Variants in SPIDR observed in about 807,000 individuals in gnomAD.
SPIDR encodes scaffold protein involved in DNA repair.
Under a neutral mutation model 104.6 loss-of-function variants are expected in SPIDR, and 93 were observed. The observed-to-expected ratio is 0.89, with a 90% CI of 0.75 to 1.06. The LOEUF (loss-of-function observed/expected upper bound fraction) is 1.06, where lower values mean the gene tolerates loss of function less well. Among genes scored for constraint, SPIDR ranks in the 50% least tolerant of loss-of-function variants. SPIDR has a pLI of 0.00. For missense variants in SPIDR, 1,154 were observed against 1,111.2 expected (o/e 1.04, Z -0.55); for synonymous variants, 431 against 416.9 (o/e 1.03, Z -0.41).
chr8:47,712,840 G>T lies in SPIDR; in HGVS notation c.2156G>T (p.Ser719Ile), dbSNP rs1436393403. ...GCACTCGCTGGGGCTGCCCCTCACAGCCTCTTCTTCAAGGACGCTCTCCGT... is the reference window on the plus strand; with the variant it reads ...GCACTCGCTGGGGCTGCCCCTCACATCCTCTTCTTCAAGGACGCTCTCCGT... ...LEALAGAAPH[S>I]LFFKDALRDQ... is the part of the protein sequence containing the mutation. Residue 719 changes from serine to isoleucine, a missense_variant, in exon 15 of 20, where the codon AGC becomes ATC. By Grantham distance (142) the Ser-to-Ile change is moderately radical. Coordinates refer to ENST00000297423, the MANE Select transcript of SPIDR (RefSeq NM_001080394.4). The T allele has an allele frequency of 2.5e-6, 4 of 1,613,940 alleles. No homozygotes were observed. Among genetic ancestry groups the T allele is most frequent in the Non-Finnish European group, 3.4e-6 (4 of 1,180,028 alleles).
At chr8:47,666,365 C>G (rs1273182144) in intron 10 of SPIDR, among the ~76,000 whole-genome samples, 1 of 152,102 alleles carries the variant, frequency 6.6e-6, no homozygotes, top group African/African-American at 2.4e-5. Flanking sequence ...TGATCTATTC[C>G]TTATTGCTGA....
At chr8:47,517,087 C>T (rs1391297219) in intron 8 of SPIDR, among the ~76,000 whole-genome samples, 2 of 152,032 alleles carry the variant, frequency 1.3e-5, no homozygotes, top group African/African-American at 4.8e-5. Context: ...CAGGTTCAAG[C>T]AATTCTCCTG....
In SPIDR at chr8:47,311,643, C is replaced by G. The variant is rs146178137; in HGVS notation, c.525+17613C>G. Among the ~76,000 whole-genome samples the G allele has an allele frequency of 4.7e-3, 718 of 151,722 alleles. 5 individuals are homozygous for G. The highest frequency in any genetic ancestry group is 0.016 in the African/African-American group (682 of 41,376). ...GACCAGCCTGGGAAACGAAGTGAGA[C>G]TTCATCTCTACAAAAAGAAAAAAAT... is the stretch of plus-strand genomic sequence containing the variant. On this transcript the variant is annotated intron_variant, in intron 5 of 19. Coordinates refer to ENST00000297423, the MANE Select transcript of SPIDR (RefSeq NM_001080394.4).
intron 8 of SPIDR, among the ~76,000 whole-genome samples, chr8:47,475,086 A>G (rs1554723001): frequency 6.6e-6 from 1 of 152,254 alleles, no homozygotes; most frequent in Non-Finnish European, 1.5e-5. Flanking sequence ...AACTACTAAC[A>G]TGACAGTGGA....
intron 8 of SPIDR, among the ~76,000 whole-genome samples, chr8:47,587,209 A>G (rs2060342504): frequency 6.6e-6 from 1 of 152,156 alleles, no homozygotes. Context: ...TTCATCATCA[A>G]TTTTGAGTTA....
rs62539085 is a variant in SPIDR at position 47,373,473 on chromosome 8, T to G, written c.526-22903T>G. On this transcript the variant is annotated intron_variant, in intron 5 of 19. Transcript: ENST00000297423. ...TTCAAGGTTTAAAATGTGGCAGTAG[T>G]TTAGGTGGGATTTTTTTTCTTTTTT... is the stretch of plus-strand genomic sequence containing the variant. Among the ~76,000 whole-genome samples, 577 of 152,188 alleles carry G rather than the reference T, an allele frequency of 3.8e-3. 2 individuals are homozygous for G. The highest frequency in any genetic ancestry group is 5.9e-3 in the Non-Finnish European group (404 of 67,996).
At chr8:47,653,739 G>T (rs2072128463) in intron 10 of SPIDR, among the ~76,000 whole-genome samples, 1 of 152,040 alleles carries the variant, frequency 6.6e-6, no homozygotes, top group Non-Finnish European at 1.5e-5. Flanking sequence ...TGAGCTAAGG[G>T]CTCTGACATG....
chr8:47,576,838 A>C (rs1239357673), intron 8 of SPIDR, among the ~76,000 whole-genome samples: 2 of 152,252 alleles, frequency 1.3e-5, no homozygotes, highest in Non-Finnish European at 2.9e-5. Context: ...TATACAAGAT[A>C]AAATGGATTC....
intron 8 of SPIDR, among the ~76,000 whole-genome samples, chr8:47,495,281 G>A (rs532816659): frequency 6.6e-6 from 1 of 151,948 alleles, no homozygotes; most frequent in Non-Finnish European, 1.5e-5. Flanking sequence ...TGGGCACATT[G>A]GGAATTTCAC....
intron 8 of SPIDR, among the ~76,000 whole-genome samples, chr8:47,516,586 G>T (rs138930338): frequency 6.6e-6 from 1 of 152,126 alleles, no homozygotes; most frequent in African/African-American, 2.4e-5. Flanking sequence ...GTTCATCCAC[G>T]TTATGTGTCA....
intron 1 of SPIDR, among the ~76,000 whole-genome samples, chr8:47,279,061 GTT>G (rs1187275785): frequency 7.4e-6 from 1 of 134,686 alleles, no homozygotes; most frequent in Non-Finnish European, 1.6e-5. Flanking sequence ...TCACTAAAAA[GTT>G]TTTTTTTTTT....
At chr8:47,476,146 G>C (rs183302577) in intron 8 of SPIDR, among the ~76,000 whole-genome samples, 1 of 152,112 alleles carries the variant, frequency 6.6e-6, no homozygotes, top group African/African-American at 2.4e-5. Flanking sequence ...TTACAGTGTC[G>C]AAGTGTGACA....
intron 1 of SPIDR, among the ~76,000 whole-genome samples, chr8:47,261,727 A>G (rs773885794): frequency 2.6e-5 from 4 of 152,296 alleles, no homozygotes; most frequent in Non-Finnish European, 4.4e-5. Flanking sequence ...AATAGACCAC[A>G]TATACTGGTT....
intron 8 of SPIDR, among the ~76,000 whole-genome samples, chr8:47,486,960 A>C (rs1302791203): frequency 6.6e-6 from 1 of 152,232 alleles, no homozygotes; most frequent in African/African-American, 2.4e-5. Flanking sequence ...CAAAATAACC[A>C]GCTAACATCA....
intron 10 of SPIDR, among the ~76,000 whole-genome samples, chr8:47,671,627 TA>T (rs1020302321): frequency 2.0e-4 from 22 of 107,328 alleles, no homozygotes; most frequent in African/African-American, 3.9e-4. Flanking sequence ...TAAATACAAA[TA>T]AAAAAATTAA....
chr8:47,460,750 G>T (rs2073805116), intron 8 of SPIDR, among the ~76,000 whole-genome samples: 1 of 152,006 alleles, frequency 6.6e-6, no homozygotes, highest in African/African-American at 2.4e-5. Context: ...TGTTTTATAG[G>T]TCCTGTGAGA....
At chr8:47,298,752 T>A (rs1232766845) in intron 5 of SPIDR, among the ~76,000 whole-genome samples, 1 of 152,222 alleles carries the variant, frequency 6.6e-6, no homozygotes, top group Non-Finnish European at 1.5e-5. Flanking sequence ...TTGTCAAAGA[T>A]CAGATAGTTG....
intron 5 of SPIDR, among the ~76,000 whole-genome samples, chr8:47,395,333 A>G (rs1433520053): frequency 6.6e-6 from 1 of 152,226 alleles, no homozygotes; most frequent in Non-Finnish European, 1.5e-5. Flanking sequence ...TGGGTGACAG[A>G]GTGAGACTCC....
chr8:47,344,814 T>C (rs2051540826), intron 5 of SPIDR, among the ~76,000 whole-genome samples: 1 of 152,218 alleles, frequency 6.6e-6, no homozygotes, highest in South Asian at 2.1e-4. Context: ...TTGATGGGGC[T>C]GTTTGATTTT....
Sources: allele counts gnomAD v4.1 joint callset (sites outside exome capture counted in the v4.1 genomes callset), GRCh38; gene constraint gnomAD v4.1.1; transcripts MANE v1.5; gene names NCBI Gene and HGNC (gene_info 2026-07-23, HGNC 2026-07-21).